PECAM1: variants seen among roughly 807,000 people sequenced by gnomAD.
PECAM1 encodes platelet and endothelial cell adhesion molecule 1.
Under a neutral mutation model 13.8 loss-of-function variants are expected in PECAM1, and 8 were observed. The observed-to-expected ratio is 0.58, with a 90% CI of 0.34 to 1.05. The LOEUF (loss-of-function observed/expected upper bound fraction) is 1.05. PECAM1 is among the 50% of genes least tolerant of loss of function. PECAM1 has a pLI of 0.03. For synonymous variants in PECAM1, 136 were observed against 52.6 expected (o/e 2.58, Z -6.86); for missense variants, 304 against 141.2 (o/e 2.15, Z -5.84).
At chr17:64,328,464 T>C (rs1000376255) in intron 15 of PECAM1, among the ~76,000 whole-genome samples, 8 of 152,182 alleles carry the variant, frequency 5.3e-5, no homozygotes, top group African/African-American at 1.9e-4. Context: ...ATTCTACCAG[T>C]GCAGGCCTCA....
At chr17:64,348,929 G>A (rs1165842303) in intron 12 of PECAM1, among the ~76,000 whole-genome samples, 2 of 152,124 alleles carry the variant, frequency 1.3e-5, no homozygotes, top group Non-Finnish European at 2.9e-5. Context: ...TCTGGCCTAG[G>A]TCCCTGTTTC....
intron 2 of PECAM1, among the ~76,000 whole-genome samples, chr17:64,388,657 GTTCT>G (rs1267037544): frequency 7.2e-5 from 11 of 151,924 alleles, no homozygotes; most frequent in Admixed American, 2.6e-4. Context: ...GGACAAATCG[GTTCT>G]TTCTTTCTTT....
chr17:64,324,801 C>G (rs2034900412), intron 15 of PECAM1, among the ~76,000 whole-genome samples: 1 of 152,182 alleles, frequency 6.6e-6, no homozygotes, highest in Admixed American at 6.5e-5. Context: ...TATGATTCCA[C>G]TTATGTGATG....
chr17:64,327,383 A>G (rs1268180484), intron 15 of PECAM1, among the ~76,000 whole-genome samples: 1 of 152,110 alleles, frequency 6.6e-6, no homozygotes, highest in Non-Finnish European at 1.5e-5. Flanking sequence ...CACCATCTCC[A>G]CTTTATAGAT....
chr17:64,368,720 G>T (rs1399095127), intron 5 of PECAM1, among the ~76,000 whole-genome samples: 5 of 151,278 alleles, frequency 3.3e-5, no homozygotes, highest in Admixed American at 2.6e-4. Context: ...GCATGGTGGC[G>T]CATGCACCTG....
At chr17:64,365,704 G>C (rs1317794510) in intron 5 of PECAM1, among the ~76,000 whole-genome samples, 1 of 150,560 alleles carries the variant, frequency 6.6e-6, no homozygotes, top group Non-Finnish European at 1.5e-5. Context: ...ACAAACCTGA[G>C]AAAAACAAGC....
intron 5 of PECAM1, among the ~76,000 whole-genome samples, 151 bp downstream of exon 5, chr17:64,369,599 T>C (rs879021853): frequency 0.43 from 64,793 of 152,032 alleles, 14,731 homozygotes; most frequent in South Asian, 0.58. Flanking sequence ...CAGTGGTTTC[T>C]TCCCACGAGC....
chr17:64,333,728 C>A (rs922071828), intron 14 of PECAM1, among the ~76,000 whole-genome samples: 120 of 151,728 alleles, frequency 7.9e-4, no homozygotes, highest in Admixed American at 3.1e-3. Context: ...GAGGCTGAGG[C>A]GGGCGGATTG....
At position 64,322,144 on chromosome 17, in the gene PECAM1, A is replaced by G. The variant is rs1248854820; in HGVS notation, c.*1672T>C. 2 of 965,700 alleles carry G rather than the reference A, an allele frequency of 2.1e-6. No homozygotes were observed. Among genetic ancestry groups the G allele is most frequent in the African/African-American group, 1.8e-5 (1 of 56,760 alleles). The allele number at this position is 965,700 out of a possible 1,614,324, so 59.8% of individuals were successfully genotyped here. On this transcript the variant is annotated 3_prime_UTR_variant, in exon 16 of 16. Coordinates refer to ENST00000563924, the MANE Select transcript of PECAM1 (RefSeq NM_000442.5). ...CAACCCAAAGGCCTGTGGAGCACAC[A>G]TGAGGACAAGGCGGGCAGATCACCA...
rs1316939619 is a variant in PECAM1, at chr17:64,321,451, A to C, written c.*2365T>G. ...GGAAATATAGGCAGAAGGGAAAGTAATTTTAAACTCATGTGTGCTCCACAG... is the reference window on the plus strand; with the variant it reads ...GGAAATATAGGCAGAAGGGAAAGTACTTTTAAACTCATGTGTGCTCCACAG... On this transcript the variant is annotated 3_prime_UTR_variant, in exon 16 of 16. Coordinates refer to ENST00000563924, the MANE Select transcript of PECAM1 (RefSeq NM_000442.5). 25 of 987,044 alleles carry C rather than the reference A, an allele frequency of 2.5e-5. No individual in the cohort carries two copies. The highest frequency in any genetic ancestry group is 2.9e-5 in the Non-Finnish European group (24 of 830,916). The allele number at this position is 987,044 out of a possible 1,614,324, so 61.1% of individuals were successfully genotyped here. A position where few individuals can be genotyped will look rare whatever the true frequency, so the allele number is the denominator to read the frequency against.
At position 64,321,605 on chromosome 17, in the gene PECAM1, T is replaced by A; in HGVS notation, c.*2211A>T. 7 of 470,298 alleles carry A rather than the reference T, an allele frequency of 1.5e-5. No homozygotes were observed. The highest frequency in any genetic ancestry group is 4.0e-5 in the South Asian group (1 of 25,068). The allele number at this position is 470,298 out of a possible 1,614,324, so 29.1% of individuals were successfully genotyped here. On this transcript the variant is annotated 3_prime_UTR_variant, in exon 16 of 16. Coordinates refer to ENST00000563924, the MANE Select transcript of PECAM1 (RefSeq NM_000442.5). The stretch of plus-strand genomic sequence containing the variant: ...AAACCTCATCTCTGCAAAAAAAAAA[T>A]TAAAAATTAGCCAGCTATGGCGGCT...
chr17:64,374,174 A>T (rs2036304370), intron 4 of PECAM1, among the ~76,000 whole-genome samples: 1 of 152,202 alleles, frequency 6.6e-6, no homozygotes, highest in South Asian at 2.1e-4. Flanking sequence ...GCATCAGTGT[A>T]GTGTGTCATG....
intron 2 of PECAM1, among the ~76,000 whole-genome samples, chr17:64,381,843 G>A (rs998347650): frequency 9.2e-5 from 14 of 152,206 alleles, no homozygotes; most frequent in Admixed American, 4.6e-4. Context: ...GTTTATGCCT[G>A]TAATCCCAGC....
Position 64,323,025 on chromosome 17 carries a change from T to A in PECAM1, c.*791A>T. 2.0e-6 allele frequency: 2 copies of A among 984,362 alleles called. No individual in the cohort carries two copies. Among genetic ancestry groups the A allele is most frequent in the South Asian group, 4.7e-5 (1 of 21,258 alleles). 61.0% of individuals were successfully genotyped at this position (984,362 alleles called of 1,614,324 possible). On this transcript the variant is annotated 3_prime_UTR_variant, in exon 16 of 16. Transcript: ENST00000563924. The stretch of plus-strand genomic sequence containing the variant: ...CCTGCCCTGGCAAGGAATACATTTT[T>A]AAAAATTAGTAAGAAACATACACAT...
At chr17:64,343,789 C>T (rs913951786) in intron 13 of PECAM1, among the ~76,000 whole-genome samples, 2 of 152,210 alleles carry the variant, frequency 1.3e-5, no homozygotes, top group African/African-American at 4.8e-5. Flanking sequence ...TGCCCACACA[C>T]CCCTCACTCT....
intron 15 of PECAM1, among the ~76,000 whole-genome samples, chr17:64,328,043 T>C (rs2035005400): frequency 1.3e-5 from 2 of 152,228 alleles, no homozygotes; most frequent in African/African-American, 4.8e-5. Context: ...CAAATGACTC[T>C]ATTCTTTTTT....
At chr17:64,339,550 A>C (rs1173502607) in intron 14 of PECAM1, among the ~76,000 whole-genome samples, 2 of 151,948 alleles carry the variant, frequency 1.3e-5, no homozygotes, top group Non-Finnish European at 2.9e-5. Flanking sequence ...GTACAACTGC[A>C]CAATGGGAGC....
chr17:64,335,027 C>A (rs1037151083), intron 14 of PECAM1, among the ~76,000 whole-genome samples: 66 of 152,258 alleles, frequency 4.3e-4, no homozygotes, highest in African/African-American at 1.4e-3. Context: ...CGGGCCCCAG[C>A]GTGACGGCAG....
At position 64,323,695 on chromosome 17, in the gene PECAM1, T is replaced by C. The variant is rs1400279166; in HGVS notation, c.*121A>G. On this transcript the variant is annotated 3_prime_UTR_variant, in exon 16 of 16. Transcript: ENST00000563924. Reference sequence around the variant, plus strand: ...CCGGCAGCTTAGCCTGAGGAATTGCTGTGTTCTGTGGGAGCAGGGCAGGTT... The same window carrying C: ...CCGGCAGCTTAGCCTGAGGAATTGCCGTGTTCTGTGGGAGCAGGGCAGGTT... 1.3e-6 allele frequency: 2 copies of C among 1,550,008 alleles called. No homozygotes were observed. Among genetic ancestry groups the C allele is most frequent in the Non-Finnish European group, 1.7e-6 (2 of 1,145,382 alleles).
Sources: allele counts gnomAD v4.1 joint callset (sites outside exome capture counted in the v4.1 genomes callset), GRCh38; gene constraint gnomAD v4.1.1; transcripts MANE v1.5; gene names NCBI Gene and HGNC (gene_info 2026-07-23, HGNC 2026-07-21).